The following ZFAND3 variants were observed in gnomAD, a reference collection of about 807,000 sequenced individuals.
ZFAND3 encodes the protein AN1-type zinc finger protein 3.
ZFAND3 carries 10 observed loss-of-function variants against 29.6 expected under a neutral mutation model. The observed-to-expected ratio is 0.34, with a 90% confidence interval of 0.21 to 0.57. ZFAND3 has a LOEUF of 0.57. ZFAND3 is among the 20% of genes least tolerant of loss of function. The pLI, the probability that ZFAND3 is intolerant of heterozygous loss-of-function variation, is 0.86. For synonymous variants in ZFAND3, 128 were observed against 112.6 expected (o/e 1.14, Z -0.87); for missense variants, 230 against 304.5 (o/e 0.76, Z 1.82).
chr6:37,870,459 A>G (rs1337619017), intron 1 of ZFAND3, among the ~76,000 whole-genome samples: 1 of 151,742 alleles, frequency 6.6e-6, no homozygotes, highest in Non-Finnish European at 1.5e-5. Context: ...AAAATTAGCC[A>G]GGCATGGTGG....
At chr6:37,825,133 T>C (rs1340305358) in intron 1 of ZFAND3, among the ~76,000 whole-genome samples, 1 of 152,154 alleles carries the variant, frequency 6.6e-6, no homozygotes, top group African/African-American at 2.4e-5. Flanking sequence ...CTCCTCATAG[T>C]GTGTGGACTT....
Position 38,154,377 on chromosome 6 carries a change from G to GGC in ZFAND3, c.*1989_*1990insCG. On this transcript the variant is annotated 3_prime_UTR_variant, in exon 6 of 6. Coordinates refer to ENST00000287218, the MANE Select transcript of ZFAND3 (RefSeq NM_021943.3). ...GTTCGCTTCCTGACTTAGAGCTGGG[G>GGC]GGGGTGGGGGGTGGGGCTTGTTCCC... The GGC allele has an allele frequency of 4.0e-6, 3 of 754,044 alleles. No individual in the cohort carries two copies. The African/African-American group carries it at 5.7e-5, about 14-fold the overall frequency. 46.7% of individuals were successfully genotyped at this position (754,044 alleles called of 1,614,324 possible).
chr6:38,095,630 C>A (rs1172360759), intron 4 of ZFAND3, among the ~76,000 whole-genome samples: 3 of 152,132 alleles, frequency 2.0e-5, no homozygotes, highest in Non-Finnish European at 4.4e-5. Context: ...TCCAAATACA[C>A]CCCCAAGTTA....
intron 1 of ZFAND3, among the ~76,000 whole-genome samples, chr6:37,885,023 C>G (rs574859605): frequency 1.4e-4 from 21 of 152,232 alleles, no homozygotes; most frequent in African/African-American, 5.1e-4. Flanking sequence ...ATCTAGTTTT[C>G]GAGCCTCTTT....
chr6:38,124,417 C>T (rs1281596138), intron 5 of ZFAND3, among the ~76,000 whole-genome samples: 1 of 152,200 alleles, frequency 6.6e-6, no homozygotes, highest in East Asian at 1.9e-4. Flanking sequence ...GCGCAGGAGC[C>T]CACAGCGGGG....
chr6:38,048,203 G>T (rs967243135), intron 2 of ZFAND3, among the ~76,000 whole-genome samples: 2 of 151,734 alleles, frequency 1.3e-5, no homozygotes, highest in African/African-American at 4.8e-5. Context: ...ACAGGGTTTC[G>T]CCATGTCCAG....
chr6:38,052,000 T>G (rs972605584), intron 2 of ZFAND3, among the ~76,000 whole-genome samples: 7 of 152,212 alleles, frequency 4.6e-5, no homozygotes, highest in African/African-American at 1.7e-4. Context: ...TTTTGCTAGT[T>G]CACACCTCTG....
intron 2 of ZFAND3, among the ~76,000 whole-genome samples, chr6:37,987,027 ATC>A (rs1198611896): frequency 1.3e-5 from 2 of 152,248 alleles, no homozygotes; most frequent in African/African-American, 4.8e-5. Flanking sequence ...GCAATGATTT[ATC>A]TCTGAGAATT....
chr6:37,935,991 TTTTG>T, intron 2 of ZFAND3, among the ~76,000 whole-genome samples: 1 of 152,222 alleles, frequency 6.6e-6, no homozygotes, highest in Non-Finnish European at 1.5e-5. Context: ...TGGTATTTTT[TTTTG>T]TTTGAGTGCA....
intron 5 of ZFAND3, among the ~76,000 whole-genome samples, chr6:38,144,171 G>GATATATATATAT (rs1315714773): frequency 5.7e-5 from 5 of 87,314 alleles, no homozygotes; most frequent in African/African-American, 2.6e-4. Flanking sequence ...AGAAAAATGT[G>GATATATATATAT]ATATATATAT....
Position 37,921,297 on chromosome 6 carries a change from A to G in ZFAND3, c.72-8662A>G, listed in dbSNP as rs796285572. ...TTGTAGTCTAGATTTTTTTAGTTTT[A>G]TGATACATGTCTAGTGTAGAGAAGT... On this transcript the variant is annotated intron_variant, in intron 1 of 5. Transcript: ENST00000287218. Among the ~76,000 whole-genome samples, 3 of 152,116 alleles carry G rather than the reference A, an allele frequency of 2.0e-5. No homozygotes were observed. The South Asian group carries it at 6.2e-4, about 32-fold the overall frequency.
At chr6:37,859,863 T>C (rs7755549) in intron 1 of ZFAND3, among the ~76,000 whole-genome samples, 2 of 24,674 alleles carry the variant, frequency 8.1e-5, no homozygotes, top group East Asian at 6.3e-4. Flanking sequence ...CTGGAGTGGG[T>C]TTTTTTTTTT....
intron 2 of ZFAND3, among the ~76,000 whole-genome samples, chr6:38,045,685 C>G (rs560879452): frequency 6.6e-6 from 1 of 151,996 alleles, no homozygotes; most frequent in Non-Finnish European, 1.5e-5. Flanking sequence ...CTACCTCTTT[C>G]TAATAAGAGT....
At chr6:37,952,247 C>G (rs1001478719) in intron 2 of ZFAND3, among the ~76,000 whole-genome samples, 16 of 152,086 alleles carry the variant, frequency 1.1e-4, no homozygotes, top group African/African-American at 3.9e-4. Context: ...CCCTCTTCCT[C>G]AGTTTTTTGC....
At position 38,152,644 on chromosome 6, in the gene ZFAND3, G is replaced by A. The variant is rs1307187145; in HGVS notation, c.*255G>A. Reference sequence around the variant, plus strand: ...TGAAGAATATTTTTTTTTTGAGCATGGCTAGTGGATTTAAAACAACACATA... The same window carrying A: ...TGAAGAATATTTTTTTTTTGAGCATAGCTAGTGGATTTAAAACAACACATA... On this transcript the variant is annotated 3_prime_UTR_variant, in exon 6 of 6. Transcript: ENST00000287218. The A allele has an allele frequency of 6.6e-5, 78 of 1,182,526 alleles. No individual in the cohort carries two copies. The highest frequency in any genetic ancestry group is 8.0e-5 in the Non-Finnish European group (77 of 956,596). The allele number at this position is 1,182,526 out of a possible 1,614,324, so 73.3% of individuals were successfully genotyped here.
chr6:38,150,944 G>A (rs1233963428), intron 5 of ZFAND3, among the ~76,000 whole-genome samples: 1 of 152,216 alleles, frequency 6.6e-6, no homozygotes, highest in Non-Finnish European at 1.5e-5. Flanking sequence ...GGGCCTGGAG[G>A]TGTGGTGAGA....
At position 38,080,144 on chromosome 6, in the gene ZFAND3, C is replaced by T. The variant is rs977046120; in HGVS notation, c.296-2248C>T. Among the ~76,000 whole-genome samples, 29 of 151,210 alleles carry T rather than the reference C, an allele frequency of 1.9e-4. 1 individual carries two copies. Among genetic ancestry groups the T allele is most frequent in the Non-Finnish European group, 5.9e-5 (4 of 67,910 alleles). ...ACACAGAGAGGGGAACATCACACAC[C>T]AGAGCCTGTCGGAGGGTGGGGGTCT... On this transcript the variant is annotated intron_variant, in intron 3 of 5. Coordinates refer to ENST00000287218, the MANE Select transcript of ZFAND3 (RefSeq NM_021943.3).
At chr6:37,896,860 A>G (rs1333602234) in intron 1 of ZFAND3, among the ~76,000 whole-genome samples, 1 of 151,594 alleles carries the variant, frequency 6.6e-6, no homozygotes, top group Non-Finnish European at 1.5e-5. Flanking sequence ...CGAGACTGAG[A>G]TTTTCTTCAT....
At chr6:38,064,423 A>ATC in intron 3 of ZFAND3, among the ~76,000 whole-genome samples, 1 of 152,350 alleles carries the variant, frequency 6.6e-6, no homozygotes, top group Admixed American at 6.5e-5. Flanking sequence ...ACACAAAAAG[A>ATC]TTAAGTAATT....
Sources: allele counts gnomAD v4.1 joint callset (sites outside exome capture counted in the v4.1 genomes callset), GRCh38; gene constraint gnomAD v4.1.1; transcripts MANE v1.5; gene names NCBI Gene and HGNC (gene_info 2026-07-23, HGNC 2026-07-21).